Variants in CRTAC1 observed in about 807,000 individuals in gnomAD.
CRTAC1 encodes the protein acidic secreted protein in cartilage.
Under a neutral mutation model 67.8 loss-of-function variants are expected in CRTAC1, and 37 were observed. That is an observed-to-expected ratio of 0.55 (90% CI 0.42 to 0.72). CRTAC1 has a LOEUF of 0.72. CRTAC1 is among the 30% of genes least tolerant of loss of function. CRTAC1 has a pLI of 0.00. For synonymous variants in CRTAC1, 348 were observed against 371.0 expected (o/e 0.94, Z 0.71); for missense variants, 780 against 931.6 (o/e 0.84, Z 2.12).
intron 2 of CRTAC1, among the ~76,000 whole-genome samples, chr10:98,000,753 T>C (rs1187231524): frequency 6.6e-6 from 1 of 152,122 alleles, no homozygotes; most frequent in African/African-American, 2.4e-5. Context: ...ACCAATCAAA[T>C]TTTTAAAAAG....
intron 11 of CRTAC1, among the ~76,000 whole-genome samples, chr10:97,891,825 G>A (rs2050378791): frequency 6.6e-6 from 1 of 152,250 alleles, no homozygotes; most frequent in Admixed American, 6.5e-5. Flanking sequence ...GGGCCTTGGA[G>A]CTGCAGGGAT....
chr10:97,968,533 C>T (rs573269563), intron 2 of CRTAC1, among the ~76,000 whole-genome samples: 2 of 152,298 alleles, frequency 1.3e-5, no homozygotes, highest in Admixed American at 6.5e-5. Context: ...CCACCACGCC[C>T]AGCTTGCAAT....
At chr10:97,957,230 G>T (rs934737404) in intron 2 of CRTAC1, among the ~76,000 whole-genome samples, 9 of 152,100 alleles carry the variant, frequency 5.9e-5, no homozygotes, top group African/African-American at 2.2e-4. Flanking sequence ...AGAGGGTAAT[G>T]GTAGACTTCT....
chr10:97,951,752 T>C (rs76318449), intron 2 of CRTAC1, among the ~76,000 whole-genome samples: 1,935 of 152,272 alleles, frequency 0.013, 48 homozygotes, highest in African/African-American at 0.043. Context: ...GTTTGAATCA[T>C]TCATCTAGAA....
intron 2 of CRTAC1, among the ~76,000 whole-genome samples, chr10:97,991,291 T>C (rs1277776949): frequency 6.6e-6 from 1 of 151,296 alleles, no homozygotes; most frequent in African/African-American, 2.4e-5. Flanking sequence ...CACACACCTG[T>C]AGTGTCAGCT....
intron 8 of CRTAC1, among the ~76,000 whole-genome samples, chr10:97,899,645 G>A (rs1271250048): frequency 2.6e-5 from 4 of 152,230 alleles, no homozygotes; most frequent in African/African-American, 4.8e-5. Flanking sequence ...TAAATCTAGC[G>A]CCTTCAGGGG....
chr10:97,898,826 C>T (rs2050495901), intron 8 of CRTAC1, among the ~76,000 whole-genome samples: 1 of 152,136 alleles, frequency 6.6e-6, no homozygotes, highest in Admixed American at 6.5e-5. Flanking sequence ...GGTGACCCTG[C>T]ACACCGCAGT....
intron 8 of CRTAC1, among the ~76,000 whole-genome samples, 180 bp from the exon 9 acceptor site, chr10:97,897,171 G>C (rs990278737): frequency 1.3e-5 from 2 of 152,170 alleles, no homozygotes; most frequent in Non-Finnish European, 2.9e-5. Flanking sequence ...CCTGTTCCCT[G>C]CCTGGGTTTT....
Position 97,899,392 on chromosome 10 carries a change from G to T in CRTAC1, c.1133+2111C>A, listed in dbSNP as rs374681995. On this transcript the variant is annotated intron_variant, in intron 8 of 14. Coordinates refer to ENST00000370597, the MANE Select transcript of CRTAC1 (RefSeq NM_018058.7). Reference sequence around the variant, plus strand: ...TCCTTCCACCCAGCCCTTTCTCCCCGCTGCAGGGGACGCTGGGAGATTTGA... The same window carrying T: ...TCCTTCCACCCAGCCCTTTCTCCCCTCTGCAGGGGACGCTGGGAGATTTGA... Among the ~76,000 whole-genome samples, 4 of 152,216 alleles carry T rather than the reference G, an allele frequency of 2.6e-5. No individual in the cohort carries two copies. The East Asian group carries it at 7.7e-4, about 29-fold the overall frequency.
chr10:97,910,708 C>A (rs113914113), intron 5 of CRTAC1, among the ~76,000 whole-genome samples: 1 of 152,092 alleles, frequency 6.6e-6, no homozygotes, highest in South Asian at 2.1e-4. Flanking sequence ...TGAGAGATGC[C>A]CCCAGGGGAA....
At chr10:97,921,398 C>A (rs2050834117) in intron 4 of CRTAC1, among the ~76,000 whole-genome samples, 1 of 152,186 alleles carries the variant, frequency 6.6e-6, no homozygotes, top group African/African-American at 2.4e-5. Context: ...AAGGCATCTT[C>A]ATTTTCAGGC....
chr10:97,903,651 C>T lies in CRTAC1; in HGVS notation c.996+1018G>A, dbSNP rs1156617213. 2.6e-5 allele frequency among the ~76,000 whole-genome samples: 4 copies of T among 152,214 alleles called. No homozygotes were observed. The South Asian group carries it at 6.2e-4, about 24-fold the overall frequency. ...GGAAAACCCTGGAACTTTCCCATTT[C>T]CTCAGGGGTTTTTGGCAGACCTAGG... On this transcript the variant is annotated intron_variant, in intron 7 of 14. Coordinates refer to ENST00000370597, the MANE Select transcript of CRTAC1 (RefSeq NM_018058.7).
At chr10:98,008,811 A>G (rs1842850014) in intron 2 of CRTAC1, among the ~76,000 whole-genome samples, 1 of 152,134 alleles carries the variant, frequency 6.6e-6, no homozygotes, top group Non-Finnish European at 1.5e-5. Context: ...AGGAGGAGAG[A>G]AGGACGGTTG....
intron 13 of CRTAC1, among the ~76,000 whole-genome samples, chr10:97,881,692 G>A (rs1318205152): frequency 6.6e-6 from 1 of 152,180 alleles, no homozygotes; most frequent in Non-Finnish European, 1.5e-5. Context: ...TGCACTATGT[G>A]TTTGGAGTGG....
intron 3 of CRTAC1, among the ~76,000 whole-genome samples, chr10:97,935,541 C>T (rs755709548): frequency 1.3e-5 from 2 of 152,126 alleles, no homozygotes; most frequent in African/African-American, 2.4e-5. Context: ...CACAAGACCT[C>T]TAGGGGATTC....
chr10:97,865,532 C>T lies in CRTAC1; in HGVS notation c.*16G>A, dbSNP rs777231847. On this transcript the variant is annotated 3_prime_UTR_variant, in exon 15 of 15. Transcript: ENST00000370597. ...CCCTGCTGGACTCCATCCGCTGGTTCATGTCCCACCCCTGCTCAGCAGCTG... is the reference window on the plus strand; with the variant it reads ...CCCTGCTGGACTCCATCCGCTGGTTTATGTCCCACCCCTGCTCAGCAGCTG... The T allele has an allele frequency of 3.3e-5, 52 of 1,595,692 alleles. No homozygotes were observed. In the Middle Eastern group the frequency reaches 5.0e-4, roughly 15 times the overall value.
chr10:98,011,038 C>A (rs768010882), intron 2 of CRTAC1, 100 bp downstream of exon 2: 8 of 1,008,466 alleles, frequency 7.9e-6, no homozygotes, highest in East Asian at 4.9e-5. Flanking sequence ...TGAGTGAGAA[C>A]GTATGTTGTT....
At chr10:98,025,722 G>A (rs895782522) in intron 1 of CRTAC1, among the ~76,000 whole-genome samples, 2 of 152,336 alleles carry the variant, frequency 1.3e-5, no homozygotes, top group Admixed American at 6.5e-5. Flanking sequence ...TGGCCTGGAA[G>A]CCTGTATCTG....
intron 8 of CRTAC1, among the ~76,000 whole-genome samples, chr10:97,899,718 A>G (rs2050507031): frequency 6.6e-6 from 1 of 152,214 alleles, no homozygotes; most frequent in Non-Finnish European, 1.5e-5. Context: ...ACGCTTAGTC[A>G]CACTCATGCC....
Sources: allele counts gnomAD v4.1 joint callset (sites outside exome capture counted in the v4.1 genomes callset), GRCh38; gene constraint gnomAD v4.1.1; transcripts MANE v1.5; gene names NCBI Gene and HGNC (gene_info 2026-07-23, HGNC 2026-07-21).